SNRPN: variants seen among roughly 807,000 people sequenced by gnomAD.
SNRPN encodes the protein small nuclear ribonucleoprotein polypeptide N.
A neutral mutation model predicts 25.2 loss-of-function variants in SNRPN; 7 were observed. That is an observed-to-expected ratio of 0.28 (90% CI 0.16 to 0.52). The LOEUF is 0.52. Among genes scored for constraint, SNRPN ranks in the 20% least tolerant of loss-of-function variants. SNRPN has a pLI of 0.96. For missense variants in SNRPN, 196 were observed against 322.5 expected (o/e 0.61, Z 3.00); for synonymous variants, 124 against 110.6 (o/e 1.12, Z -0.76).
intron 4 of SNRPN, among the ~76,000 whole-genome samples, 196 bp from the exon 5 acceptor site, chr15:24,975,162 A>G (rs950381866): frequency 6.6e-6 from 1 of 152,190 alleles, no homozygotes; most frequent in Non-Finnish European, 1.5e-5. Flanking sequence ...TGAGATGTGA[A>G]AAAATACTTC....
At chr15:24,938,769 A>G (rs2061388373) in intron 3 of SNRPN, among the ~76,000 whole-genome samples, 1 of 152,090 alleles carries the variant, frequency 6.6e-6, no homozygotes, top group Non-Finnish European at 1.5e-5. Flanking sequence ...TAGTTTAAAT[A>G]ATTCTGGTTG....
At chr15:24,908,987 C>A (rs575685623) in intron 2 of SNRPN, 2 of 1,409,424 alleles carry the variant, frequency 1.4e-6, no homozygotes, top group Non-Finnish European at 2.0e-6. Context: ...TTGAGCTACC[C>A]AATCCTTCTT....
At position 24,969,902 on chromosome 15, in the gene SNRPN, A is replaced by G. The variant is rs1314166656; in HGVS notation, c.-144+1820A>G. ...TGTTATCTTTGGCCACATTGGTGCT[A>G]CGGTGGTGCAGCTTTGAGTAGTTGT... On this transcript the variant is annotated intron_variant, in intron 3 of 9. Transcript: ENST00000390687. Among the ~76,000 whole-genome samples, 11 of 152,198 alleles carry G rather than the reference A, an allele frequency of 7.2e-5. No individual in the cohort carries two copies. In the South Asian group the frequency reaches 1.0e-3, roughly 14 times the overall value.
chr15:24,976,430 A>T lies in SNRPN; in HGVS notation c.267+14A>T. The T allele has an allele frequency of 1.3e-6, 2 of 1,533,266 alleles. No individual in the cohort carries two copies. Among genetic ancestry groups the T allele is most frequent in the Middle Eastern group, 1.7e-4 (1 of 5,918 alleles). 95.0% of individuals were successfully genotyped at this position (1,533,266 alleles called of 1,614,324 possible). On this transcript the variant is annotated intron_variant, in intron 6 of 9. Transcript: ENST00000390687. ...CCCCCCAAAGATGTAAGGAAGATGT[A>T]GGGCAGGACAGAACTTTAATTTGCA...
chr15:24,833,640 G>A (rs3867498), intron 2 of SNRPN, among the ~76,000 whole-genome samples: 21,042 of 152,074 alleles, frequency 0.14, 1,681 homozygotes, highest in Non-Finnish European at 0.18. Context: ...AGAGGAAGAA[G>A]GCGATGTGTA....
intron 2 of SNRPN, among the ~76,000 whole-genome samples, chr15:24,917,575 G>A (rs1280027232): frequency 6.6e-6 from 1 of 152,170 alleles, no homozygotes; most frequent in Non-Finnish European, 1.5e-5. Flanking sequence ...AGGTAATAAC[G>A]CCATCATTTC....
rs188431450 is a variant in SNRPN, at chr15:24,928,695, C to T, written c.-391+8571C>T. Among the ~76,000 whole-genome samples, 136 of 152,150 alleles carry T rather than the reference C, an allele frequency of 8.9e-4. 2 individuals carry two copies. The highest frequency in any genetic ancestry group is 7.1e-3 in the Admixed American group (108 of 15,280). ...CTGTCACCCAGGCATGGCATAAGCA[C>T]GGCTCACTGCAGCTCAAACAATCCT... On this transcript the variant is annotated intron_variant, in intron 3 of 11. Transcript: ENST00000400097.
At chr15:24,971,179 T>C (rs2076355857) in intron 3 of SNRPN, among the ~76,000 whole-genome samples, 1 of 152,218 alleles carries the variant, frequency 6.6e-6, no homozygotes, top group East Asian at 1.9e-4. Flanking sequence ...GTTTGAAAAC[T>C]TGTGCTTCTG....
upstream of SNRPN, among the ~76,000 whole-genome samples, chr15:24,950,555 T>C (rs1002186796): frequency 4.0e-5 from 6 of 148,302 alleles, no homozygotes; most frequent in African/African-American, 1.5e-4. Context: ...TTTTTTTTTT[T>C]TTTTTTTTTT....
At chr15:24,947,860 G>T (rs1413007072) in intron 3 of SNRPN, among the ~76,000 whole-genome samples, 1 of 151,944 alleles carries the variant, frequency 6.6e-6, no homozygotes, top group East Asian at 1.9e-4. Flanking sequence ...TAAGTTAGGG[G>T]GCGGAGGAAT....
chr15:24,928,054 T>C (rs770044688), intron 3 of SNRPN, among the ~76,000 whole-genome samples: 1 of 152,178 alleles, frequency 6.6e-6, no homozygotes, highest in Non-Finnish European at 1.5e-5. Flanking sequence ...CAGTTAGAAT[T>C]TGCTGTTATC....
chr15:24,928,668 C>T (rs2060584531), intron 3 of SNRPN, among the ~76,000 whole-genome samples: 1 of 152,022 alleles, frequency 6.6e-6, no homozygotes, highest in Admixed American at 6.6e-5. Flanking sequence ...CAGGGTCTTG[C>T]CCTGTCACCC....
Position 24,976,349 on chromosome 15 carries a change from T to C in SNRPN, c.200T>C (p.Leu67Ser), listed in dbSNP as rs1374556518. 1 of 1,613,548 alleles carries C rather than the reference T, an allele frequency of 6.2e-7. No individual in the cohort carries two copies. The highest frequency in any genetic ancestry group is 2.2e-5 in the East Asian group (1 of 44,876). Residue 67 changes from leucine to serine, a missense_variant, in exon 6 of 10, where the codon TTG becomes TCG. By Grantham distance (145) the Leu-to-Ser change is moderately radical. Transcript: ENST00000390687. Reference sequence around the variant, plus strand: ...CCAGAGCGTGAAGAAAAGCGGGTTTTGGGTCTGGTGTTGCTGCGTGGGGAG... The same window carrying C: ...CCAGAGCGTGAAGAAAAGCGGGTTTCGGGTCTGGTGTTGCTGCGTGGGGAG... The part of the protein sequence containing the change: ...KQPEREEKRV[L>S]GLVLLRGENL...
rs183865232 is a variant in SNRPN at position 24,970,317 on chromosome 15, C to T, written c.-144+2235C>T. Among the ~76,000 whole-genome samples the T allele has an allele frequency of 3.9e-5, 6 of 152,296 alleles. No homozygotes were observed. In the East Asian group the frequency reaches 7.7e-4, roughly 20 times the overall value. ...TAATGTGGCCGGGTGTGGTGGCTCA[C>T]GCCTGTCATCCTAGCACTTGGGGAG... On this transcript the variant is annotated intron_variant, in intron 3 of 9. Transcript: ENST00000390687.
At chr15:24,937,845 T>G (rs936778902) in intron 3 of SNRPN, among the ~76,000 whole-genome samples, 1 of 152,204 alleles carries the variant, frequency 6.6e-6, no homozygotes, top group African/African-American at 2.4e-5. Context: ...TCTGGATATC[T>G]CGTATAAATG....
At chr15:24,884,635 G>A (rs1006787981) in intron 1 of SNRPN, among the ~76,000 whole-genome samples, 26 of 151,334 alleles carry the variant, frequency 1.7e-4, no homozygotes, top group African/African-American at 6.4e-4. Flanking sequence ...TTTAAATTTT[G>A]TTATCTTAAA....
At chr15:24,888,611 C>T (rs1427305077) in intron 2 of SNRPN, among the ~76,000 whole-genome samples, 3 of 152,118 alleles carry the variant, frequency 2.0e-5, no homozygotes, top group Non-Finnish European at 2.9e-5. Flanking sequence ...CTAGATGTTG[C>T]TGCATTCAGT....
chr15:24,916,852 T>G (rs2059557398), intron 2 of SNRPN, among the ~76,000 whole-genome samples: 1 of 152,168 alleles, frequency 6.6e-6, no homozygotes, highest in Non-Finnish European at 1.5e-5. Flanking sequence ...CTCTTAAAGG[T>G]GGCACAGACC....
intron 1 of SNRPN, among the ~76,000 whole-genome samples, chr15:24,825,224 A>T (rs2049994709): frequency 6.6e-6 from 1 of 152,006 alleles, no homozygotes; most frequent in African/African-American, 2.4e-5. Flanking sequence ...TAATTTTTTT[A>T]AGTAACCCTC....
Sources: gnomAD v4.1 joint callset for allele counts (sites outside exome capture counted in the v4.1 genomes callset) on GRCh38, gnomAD v4.1.1 for gene constraint, MANE v1.5 for transcripts, NCBI Gene and HGNC (gene_info 2026-07-23, HGNC 2026-07-21) for gene names.